Variants in CCSER1 observed in about 807,000 individuals in gnomAD.
CCSER1 encodes coiled-coil serine rich protein 1.
CCSER1 carries 41 observed loss-of-function variants against 82.0 expected under a neutral mutation model. That is an observed-to-expected ratio of 0.50 (90% CI 0.39 to 0.65). The LOEUF is 0.65. Among genes scored for constraint, CCSER1 ranks in the 30% least tolerant of loss-of-function variants. CCSER1 has a pLI of 0.00. For missense variants in CCSER1, 1,119 were observed against 1,064.2 expected (o/e 1.05, Z -0.72); for synonymous variants, 414 against 383.9 (o/e 1.08, Z -0.92).
At chr4:90,742,806 T>C (rs2149447793) in intron 7 of CCSER1, among the ~76,000 whole-genome samples, 1 of 152,320 alleles carries the variant, frequency 6.6e-6, no homozygotes, top group African/African-American at 2.4e-5. Context: ...TTTATAATGA[T>C]ATTGGGCTTA....
At chr4:90,391,675 G>C (rs1004565600) in intron 3 of CCSER1, among the ~76,000 whole-genome samples, 6 of 151,298 alleles carry the variant, frequency 4.0e-5, no homozygotes, top group African/African-American at 1.2e-4. Context: ...AATTATAAAT[G>C]AGAGTTGAGG....
chr4:90,130,897 G>A (rs1722710278), intron 1 of CCSER1, among the ~76,000 whole-genome samples: 1 of 152,024 alleles, frequency 6.6e-6, no homozygotes, highest in Admixed American at 6.6e-5. Flanking sequence ...GGGATTACAG[G>A]CGTGACCCAC....
intron 10 of CCSER1, among the ~76,000 whole-genome samples, chr4:91,238,134 G>A (rs148364332): frequency 6.6e-6 from 1 of 152,124 alleles, no homozygotes; most frequent in Non-Finnish European, 1.5e-5. Flanking sequence ...CCCTTGATTG[G>A]GTTACTAATC....
intron 10 of CCSER1, among the ~76,000 whole-genome samples, chr4:91,191,204 C>G (rs1734963434): frequency 6.6e-6 from 1 of 152,176 alleles, no homozygotes; most frequent in South Asian, 2.1e-4. Context: ...AACTGCCTTA[C>G]CTGTGCTCTG....
intron 4 of CCSER1, among the ~76,000 whole-genome samples, chr4:90,454,649 A>T (rs1378858527): frequency 6.6e-6 from 1 of 151,934 alleles, no homozygotes; most frequent in African/African-American, 2.4e-5. Flanking sequence ...TTCTAATTGG[A>T]TTGGCACTCT....
intron 10 of CCSER1, among the ~76,000 whole-genome samples, chr4:91,173,893 A>T (rs2189185): frequency 0.73 from 111,016 of 152,154 alleles, 40,778 homozygotes; most frequent in Non-Finnish European, 0.78. Flanking sequence ...TAGAGCCAAT[A>T]AGCAAAACAA....
intron 8 of CCSER1, among the ~76,000 whole-genome samples, chr4:90,835,468 C>T (rs1246201084): frequency 6.6e-6 from 1 of 152,206 alleles, no homozygotes; most frequent in African/African-American, 2.4e-5. Flanking sequence ...TTTAAGGCCT[C>T]TTTTACTGTG....
chr4:90,716,833 A>C (rs551595377), intron 6 of CCSER1, among the ~76,000 whole-genome samples: 114 of 152,296 alleles, frequency 7.5e-4, no homozygotes, highest in Admixed American at 1.9e-3. Context: ...ATCATTAAGC[A>C]ACACATGTCT....
intron 1 of CCSER1, among the ~76,000 whole-genome samples, chr4:90,209,553 A>T (rs1739545992): frequency 6.6e-6 from 1 of 152,130 alleles, no homozygotes; most frequent in South Asian, 2.1e-4. Context: ...TTGCCTAAAA[A>T]ATAATACTAG....
At chr4:90,897,125 A>G (rs1723829814) in intron 8 of CCSER1, among the ~76,000 whole-genome samples, 1 of 151,968 alleles carries the variant, frequency 6.6e-6, no homozygotes, top group South Asian at 2.1e-4. Context: ...TATACATATA[A>G]AATCATAACA....
chr4:90,324,235 G>A (rs1245255713), intron 3 of CCSER1, among the ~76,000 whole-genome samples: 1 of 152,260 alleles, frequency 6.6e-6, no homozygotes, highest in East Asian at 1.9e-4. Context: ...GATACCTGAG[G>A]AATCGCCACA....
chr4:90,667,499 C>A (rs917315088), intron 6 of CCSER1, among the ~76,000 whole-genome samples: 3 of 152,114 alleles, frequency 2.0e-5, no homozygotes, highest in Non-Finnish European at 4.4e-5. Context: ...CCCAGCCCCC[C>A]ACTCCCTGAC....
intron 6 of CCSER1, among the ~76,000 whole-genome samples, chr4:90,654,306 C>T (rs1472921155): frequency 6.6e-6 from 1 of 152,024 alleles, no homozygotes; most frequent in Non-Finnish European, 1.5e-5. Context: ...ATAACATATA[C>T]TTTATAATTT....
chr4:90,640,580 A>C (rs1726315767), intron 6 of CCSER1, among the ~76,000 whole-genome samples: 1 of 152,110 alleles, frequency 6.6e-6, no homozygotes, highest in Non-Finnish European at 1.5e-5. Context: ...TTACGTCCCC[A>C]CCCAAATCTC....
intron 8 of CCSER1, among the ~76,000 whole-genome samples, chr4:90,834,689 G>A (rs1761561051): frequency 6.6e-6 from 1 of 152,146 alleles, no homozygotes; most frequent in South Asian, 2.1e-4. Context: ...TTCAGTTACA[G>A]AAAATGGTGC....
rs60531921 is a variant in CCSER1 at position 91,347,861 on chromosome 4, G to GTT, written c.2218-250702_2218-250701dup. On this transcript the variant is annotated intron_variant, in intron 10 of 10. Transcript: ENST00000509176. The stretch of plus-strand genomic sequence containing the variant: ...CTGTAATCACTTCTTAGTGCCAGTA[G>GTT]TTTTTTTTTTGTCAATTCTCTGCAA... Among the ~76,000 whole-genome samples, 208 of 148,906 alleles carry GTT rather than the reference G, an allele frequency of 1.4e-3. 2 individuals are homozygous for GTT. The highest frequency in any genetic ancestry group is 0.013 in the East Asian group (68 of 5,106).
At chr4:91,391,232 T>G (rs927669541) in intron 10 of CCSER1, among the ~76,000 whole-genome samples, 3 of 152,162 alleles carry the variant, frequency 2.0e-5, no homozygotes, top group Non-Finnish European at 4.4e-5. Flanking sequence ...CTAAAAAATT[T>G]AATAAATTAT....
intron 7 of CCSER1, among the ~76,000 whole-genome samples, chr4:90,794,671 G>T (rs1580501207): frequency 6.6e-6 from 1 of 152,120 alleles, no homozygotes; most frequent in East Asian, 1.9e-4. Context: ...TGTTCCATTT[G>T]AATTTTAAAA....
chr4:91,583,547 A>G (rs1763835285), intron 10 of CCSER1, among the ~76,000 whole-genome samples: 1 of 151,444 alleles, frequency 6.6e-6, no homozygotes, highest in Admixed American at 6.6e-5. Flanking sequence ...CAGATTTTCT[A>G]TAGAGTTCCT....
Sources: gnomAD v4.1 joint callset for allele counts (sites outside exome capture counted in the v4.1 genomes callset) on GRCh38, gnomAD v4.1.1 for gene constraint, MANE v1.5 for transcripts, NCBI Gene and HGNC (gene_info 2026-07-23, HGNC 2026-07-21) for gene names.